NYAP2: variants seen among roughly 807,000 people sequenced by gnomAD.
The protein encoded by NYAP2 is neuronal tyrosine-phosphorylated phosphoinositide-3-kinase adapter 2.
In NYAP2, 23 loss-of-function variants were observed where a neutral mutation model predicts 50.4. That is an observed-to-expected ratio of 0.46 (90% CI 0.33 to 0.65). NYAP2 has a LOEUF of 0.65. Ranked by LOEUF, NYAP2 falls within the 30% of genes least tolerant of loss-of-function variation. NYAP2 has a pLI of 0.02. For synonymous variants in NYAP2, 394 were observed against 365.2 expected, an observed-to-expected ratio of 1.08 and a Z score of -0.90; for missense variants, 885 against 861.0, an observed-to-expected ratio of 1.03 and a Z score of -0.35.
intron 3 of NYAP2, among the ~76,000 whole-genome samples, chr2:225,421,474 A>G (rs140792268): frequency 1.9e-3 from 294 of 152,340 alleles, no homozygotes; most frequent in African/African-American, 6.7e-3. Flanking sequence ...GTAATGGGGA[A>G]ATTTAAAAAG....
At position 225,501,592 on chromosome 2, in the gene NYAP2, A is replaced by G. The variant is rs540431486; in HGVS notation, c.222-11779A>G. ...AATTTTTCAAATTGGCCGTTGGGAT[A>G]TCTGAAAACAGCATTCCATCATACA... On this transcript the variant is annotated intron_variant, in intron 3 of 6. Coordinates refer to ENST00000636099, the Ensembl canonical transcript of NYAP2. 1.1e-4 allele frequency among the ~76,000 whole-genome samples: 17 copies of G among 152,334 alleles called. No homozygotes were observed. The South Asian group carries it at 3.5e-3, about 32-fold the overall frequency.
intron 2 of NYAP2, among the ~76,000 whole-genome samples, chr2:225,406,598 T>A (rs796230245): frequency 6.6e-6 from 1 of 152,034 alleles, no homozygotes; most frequent in Non-Finnish European, 1.5e-5. Context: ...TTAATACTTT[T>A]CTAGAATTAG....
intron 4 of NYAP2, among the ~76,000 whole-genome samples, chr2:225,549,494 A>G (rs73089031): frequency 0.028 from 4,191 of 152,264 alleles, 182 homozygotes; most frequent in African/African-American, 0.094. Context: ...TGCTGATGGG[A>G]AAGATCAGTG....
At chr2:225,560,472 GC>G (rs1038658019) in intron 4 of NYAP2, among the ~76,000 whole-genome samples, 6 of 152,192 alleles carry the variant, frequency 3.9e-5, no homozygotes, top group South Asian at 2.1e-4. Context: ...AGGACATTGA[GC>G]TTTTCAAAGA....
chr2:225,611,901 TACACACACACACACAC>T (rs147331159), intron 5 of NYAP2, among the ~76,000 whole-genome samples: 17,151 of 145,392 alleles, frequency 0.12, 1,071 homozygotes, highest in Non-Finnish European at 0.13. Context: ...TGTGTGTGTA[TACACACACACACACAC>T]ACACACACAC....
intron 5 of NYAP2, among the ~76,000 whole-genome samples, chr2:225,613,704 A>G (rs1692938002): frequency 6.6e-6 from 1 of 152,186 alleles, no homozygotes; most frequent in African/African-American, 2.4e-5. Flanking sequence ...TGACTTTCCA[A>G]TAGTAACTAG....
chr2:225,670,477 A>G, the NYAP2 span, among the ~76,000 whole-genome samples: 14 of 152,054 alleles, frequency 9.2e-5, no homozygotes, highest in African/African-American at 3.4e-4. Flanking sequence ...GTAATTCTGC[A>G]GGAAATTCTA....
chr2:225,448,712 A>G (rs1355953319), intron 3 of NYAP2, among the ~76,000 whole-genome samples: 1 of 152,172 alleles, frequency 6.6e-6, no homozygotes, highest in Non-Finnish European at 1.5e-5. Flanking sequence ...AAGCTTTCAA[A>G]TTATCATTAC....
intron 3 of NYAP2, among the ~76,000 whole-genome samples, chr2:225,494,995 A>T (rs899126894): frequency 7.9e-5 from 12 of 152,214 alleles, no homozygotes; most frequent in African/African-American, 2.4e-4. Context: ...TGGCAACAAG[A>T]TATTCAAACA....
intron 3 of NYAP2, among the ~76,000 whole-genome samples, chr2:225,496,975 C>A (rs1690518011): frequency 2.0e-5 from 3 of 151,926 alleles, no homozygotes; most frequent in Admixed American, 2.0e-4. Flanking sequence ...TATGTTGTGA[C>A]AATACCTTTT....
the NYAP2 span, among the ~76,000 whole-genome samples, chr2:225,688,898 G>A: frequency 9.2e-5 from 14 of 152,052 alleles, no homozygotes; most frequent in Admixed American, 5.9e-4. Flanking sequence ...GTACACCACC[G>A]TGCCTGGCTA....
the NYAP2 span, chr2:225,700,829 G>A: frequency 1.3e-5 from 2 of 151,742 alleles, no homozygotes; most frequent in African/African-American, 4.8e-5. Context: ...TAGGCAGAAA[G>A]TTTATTTAAT....
chr2:225,436,757 A>G (rs75112602), intron 3 of NYAP2, among the ~76,000 whole-genome samples: 1 of 145,600 alleles, frequency 6.9e-6, no homozygotes, highest in East Asian at 2.0e-4. Context: ...AAAAAAAAAA[A>G]AAGAGAGAAG....
At chr2:225,630,273 T>C (rs956402863) in intron 6 of NYAP2, among the ~76,000 whole-genome samples, 1 of 152,196 alleles carries the variant, frequency 6.6e-6, no homozygotes, top group African/African-American at 2.4e-5. Context: ...TAGCAAATAA[T>C]AGCCCTTGTT....
chr2:225,491,616 A>T (rs1438755177), intron 3 of NYAP2, among the ~76,000 whole-genome samples: 1 of 152,292 alleles, frequency 6.6e-6, no homozygotes, highest in East Asian at 1.9e-4. Context: ...CCCCTCCTCC[A>T]ATACGTATGT....
chr2:225,701,068 A>G, the NYAP2 span: 4 of 151,922 alleles, frequency 2.6e-5, no homozygotes, highest in African/African-American at 9.6e-5. Context: ...AAGATCTGGA[A>G]AAGTGGCTTC....
chr2:225,547,809 G>C (rs1337053193), intron 4 of NYAP2, among the ~76,000 whole-genome samples: 1 of 152,126 alleles, frequency 6.6e-6, no homozygotes, highest in Non-Finnish European at 1.5e-5. Flanking sequence ...TCTTATGAAG[G>C]TGCTATTTTG....
At chr2:225,488,195 G>A (rs1432487188) in intron 3 of NYAP2, among the ~76,000 whole-genome samples, 1 of 152,166 alleles carries the variant, frequency 6.6e-6, no homozygotes, top group African/African-American at 2.4e-5. Context: ...GAGCTTGAAG[G>A]TGAACAAACA....
intron 4 of NYAP2, among the ~76,000 whole-genome samples, chr2:225,569,559 A>G (rs774420755): frequency 1.4e-4 from 22 of 152,182 alleles, no homozygotes; most frequent in Non-Finnish European, 2.8e-4. Flanking sequence ...GAGCAGGAAT[A>G]AACTCAGTGT....
Sources: allele counts gnomAD v4.1 joint callset (sites outside exome capture counted in the v4.1 genomes callset), GRCh38; gene constraint gnomAD v4.1.1; transcripts MANE v1.5; gene names NCBI Gene and HGNC (gene_info 2026-07-23, HGNC 2026-07-21).